ZRANB1: variants seen among roughly 807,000 people sequenced by gnomAD.
ZRANB1 encodes the protein zinc finger RANBP2-type containing 1, also known as ubiquitin thioesterase ZRANB1.
ZRANB1 carries 16 observed loss-of-function variants against 80.5 expected under a neutral mutation model. The ratio of observed to expected loss-of-function variants is 0.20; its 90% CI spans 0.13 to 0.30. The LOEUF is 0.30. Among genes scored for constraint, ZRANB1 ranks in the 10% least tolerant of loss-of-function variants. ZRANB1 has a pLI of 1.00. For synonymous variants in ZRANB1, 291 were observed against 293.1 expected (o/e 0.99, Z 0.07); for missense variants, 576 against 862.6 (o/e 0.67, Z 4.16).
intron 1 of ZRANB1, chr10:124,962,227 T>G (rs1234793002): frequency 5.1e-6 from 1 of 197,242 alleles, no homozygotes; most frequent in Admixed American, 6.5e-5. Context: ...TGCATCTTTC[T>G]CTGACCATGG....
the ZRANB1 span, among the ~76,000 whole-genome samples, chr10:124,918,876 A>G: frequency 2.0e-5 from 3 of 152,204 alleles, no homozygotes; most frequent in African/African-American, 7.2e-5. Flanking sequence ...ACGAGATAGT[A>G]GGACAGTAAT....
the ZRANB1 span, among the ~76,000 whole-genome samples, chr10:124,931,497 A>G: frequency 6.6e-6 from 1 of 152,012 alleles, no homozygotes; most frequent in Admixed American, 6.6e-5. Flanking sequence ...CAGCCTCCCC[A>G]GTAGCTGGGA....
the ZRANB1 span, among the ~76,000 whole-genome samples, chr10:124,920,087 T>C: frequency 6.6e-6 from 1 of 151,758 alleles, no homozygotes; most frequent in Non-Finnish European, 1.5e-5. Flanking sequence ...CACGCCTGGC[T>C]AATTTTTGTA....
intron 2 of ZRANB1, among the ~76,000 whole-genome samples, chr10:124,969,059 G>A (rs1951798896): frequency 6.6e-6 from 1 of 152,178 alleles, no homozygotes; most frequent in Admixed American, 6.6e-5. Context: ...AGCCCACTCA[G>A]GTGGCTTTTG....
intron 2 of ZRANB1, among the ~76,000 whole-genome samples, chr10:124,970,805 T>C (rs547363616): frequency 5.7e-4 from 85 of 150,404 alleles, no homozygotes; most frequent in African/African-American, 2.0e-3. Flanking sequence ...ACAGGCTCAC[T>C]GTGGGTTCCC....
At chr10:124,927,336 G>C in the ZRANB1 span, among the ~76,000 whole-genome samples, 38 of 152,356 alleles carry the variant, frequency 2.5e-4, no homozygotes, top group African/African-American at 5.8e-4. Flanking sequence ...TTCTGCAGCA[G>C]AAGGAAAGGA....
chr10:124,987,014 T>C lies in ZRANB1; in HGVS notation c.*2022T>C, dbSNP rs1407686920. 2 of 152,604 alleles carry C rather than the reference T, an allele frequency of 1.3e-5. No homozygotes were observed. Among genetic ancestry groups the C allele is most frequent in the Admixed American group, 6.5e-5 (1 of 15,280 alleles). 9.5% of individuals were successfully genotyped at this position (152,604 alleles called of 1,614,324 possible). A position where few individuals can be genotyped will look rare whatever the true frequency, so the allele number is the denominator to read the frequency against. ...CAGTGACCCTGACCACATAGTGTGA[T>C]AGGTGCAGCATTCTTCCCTGTGGGA... On this transcript the variant is annotated 3_prime_UTR_variant, in exon 9 of 9. Coordinates refer to ENST00000359653, the MANE Select transcript of ZRANB1 (RefSeq NM_017580.3).
chr10:124,941,965 C>T (rs1428617029), upstream of ZRANB1, among the ~76,000 whole-genome samples: 2 of 152,150 alleles, frequency 1.3e-5, no homozygotes, highest in African/African-American at 2.4e-5. Flanking sequence ...TCTCCCTTAG[C>T]GAGAATGATA....
chr10:124,962,870 G>A (rs567888746), intron 1 of ZRANB1, among the ~76,000 whole-genome samples: 70 of 152,146 alleles, frequency 4.6e-4, no homozygotes, highest in African/African-American at 1.4e-3. Context: ...AAAATTAATC[G>A]TCCCAGAGTG....
chr10:124,939,918 T>C (rs1204182183), upstream of ZRANB1, among the ~76,000 whole-genome samples: 4 of 152,168 alleles, frequency 2.6e-5, no homozygotes, highest in African/African-American at 9.6e-5. Flanking sequence ...GTAATCATTA[T>C]ACAAACTAAA....
At chr10:124,944,570 C>A (rs1951564496) in intron 1 of ZRANB1, among the ~76,000 whole-genome samples, 1 of 143,916 alleles carries the variant, frequency 6.9e-6, no homozygotes, top group Non-Finnish European at 1.5e-5. Context: ...ACTGCAGCCT[C>A]AACCTCCTGG....
At chr10:124,925,415 A>C in the ZRANB1 span, among the ~76,000 whole-genome samples, 9 of 151,768 alleles carry the variant, frequency 5.9e-5, no homozygotes, top group African/African-American at 2.2e-4. Flanking sequence ...TGTTTATTTC[A>C]GTGTTTTGCC....
chr10:124,941,564 C>A (rs1951536699), upstream of ZRANB1, among the ~76,000 whole-genome samples: 1 of 152,094 alleles, frequency 6.6e-6, no homozygotes, highest in African/African-American at 2.4e-5. Flanking sequence ...CTTGGCCAGG[C>A]TGGTCTTGAA....
In ZRANB1 at chr10:124,943,026, A is replaced by G. The variant is rs767922815; in HGVS notation, c.533A>G (p.Asn178Ser). Residue 178 changes from asparagine (N) to serine (S), a missense_variant, in exon 1 of 9, where the codon AAT (asparagine) becomes AGT (serine). By Grantham distance (46) the Asn-to-Ser change is conservative. Coordinates refer to ENST00000359653, the MANE Select transcript of ZRANB1 (RefSeq NM_017580.3). ...RCVVCDHPRP[N>S]NIEAIELAET... ...GTTGTTTGTGATCATCCCAGACCTA[A>G]TAACATTGAAGCAATAGAATTGGCA... The G allele has an allele frequency of 7.4e-6, 12 of 1,614,210 alleles. No individual in the cohort carries two copies. Among genetic ancestry groups the G allele is most frequent in the East Asian group, 2.2e-5 (1 of 44,892 alleles).
At position 124,985,326 on chromosome 10, in the gene ZRANB1, ATAT is replaced by A. The variant is rs749890559; in HGVS notation, c.*339_*341del. 27 of 190,950 alleles carry A rather than the reference ATAT, an allele frequency of 1.4e-4. No individual in the cohort carries two copies. The highest frequency in any genetic ancestry group is 2.2e-4 in the Non-Finnish European group (21 of 93,752). The allele number at this position is 190,950 out of a possible 1,614,324, so 11.8% of individuals were successfully genotyped here. A position where few individuals can be genotyped will look rare whatever the true frequency, so the allele number is the denominator to read the frequency against. On this transcript the variant is annotated 3_prime_UTR_variant, in exon 9 of 9. Coordinates refer to ENST00000359653, the MANE Select transcript of ZRANB1 (RefSeq NM_017580.3). ...TAGGAAAAGTTGTACCAGCATCTTC[ATAT>A]TATTGAGAAAATTTTTTCCAGCATG...
At chr10:124,941,781 G>A (rs1476714158), upstream of ZRANB1, among the ~76,000 whole-genome samples, 2 of 152,060 alleles carry the variant, frequency 1.3e-5, no homozygotes, top group African/African-American at 4.8e-5. Flanking sequence ...ATTTTCCCCA[G>A]TACAGTCTTC....
chr10:124,950,170 T>C (rs1951625315), intron 1 of ZRANB1, among the ~76,000 whole-genome samples: 1 of 152,204 alleles, frequency 6.6e-6, no homozygotes, highest in Non-Finnish European at 1.5e-5. Context: ...TCTCCCAGGC[T>C]AGAGTGCAGT....
chr10:124,986,896 G>GAC lies in ZRANB1; in HGVS notation c.*1904_*1905insAC, dbSNP rs1952059522. On this transcript the variant is annotated 3_prime_UTR_variant, in exon 9 of 9. Transcript: ENST00000359653. Reference sequence around the variant, plus strand: ...TGCATTGCAGCCAGCGTTGTCCAGAGTACACGCTCAGCACTTAGCTTCTAC... The same window carrying GAC: ...TGCATTGCAGCCAGCGTTGTCCAGAGACTACACGCTCAGCACTTAGCTTCTAC... 6.6e-6 allele frequency: 1 copy of GAC among 151,782 alleles called. No homozygotes were observed. The highest frequency in any genetic ancestry group is 2.4e-5 in the African/African-American group (1 of 41,248). 9.4% of individuals were successfully genotyped at this position (151,782 alleles called of 1,614,324 possible).
intron 1 of ZRANB1, among the ~76,000 whole-genome samples, chr10:124,948,578 C>T (rs967826577): frequency 7.3e-5 from 11 of 151,342 alleles, no homozygotes; most frequent in Non-Finnish European, 1.5e-4. Context: ...GCCTGGATTG[C>T]TCTCCACCTT....
Sources: allele counts gnomAD v4.1 joint callset (sites outside exome capture counted in the v4.1 genomes callset), GRCh38; gene constraint gnomAD v4.1.1; transcripts MANE v1.5; gene names NCBI Gene and HGNC (gene_info 2026-07-23, HGNC 2026-07-21).